The following NT5C1B variants were observed in gnomAD, a reference collection of about 807,000 sequenced individuals.
NT5C1B encodes cytosolic 5'-nucleotidase 1B.
A neutral mutation model predicts 57.8 loss-of-function variants in NT5C1B; 44 were observed. The observed-to-expected ratio is 0.76, with a 90% CI of 0.60 to 0.98. The LOEUF is 0.98. Ranked by LOEUF, NT5C1B falls within the 50% of genes least tolerant of loss-of-function variation. The pLI is 0.00. For missense variants in NT5C1B, 742 were observed against 719.5 expected (o/e 1.03, Z -0.36); for synonymous variants, 284 against 282.6 (o/e 1.00, Z -0.05).
chr2:18,584,525 G>T lies in NT5C1B; in HGVS notation c.712C>A (p.Arg238Ser), dbSNP rs1666497564. 4 of 1,609,974 alleles carry T rather than the reference G, an allele frequency of 2.5e-6. No individual in the cohort carries two copies. Among genetic ancestry groups the T allele is most frequent in the Admixed American group, 1.7e-5 (1 of 59,702 alleles). ...GCGGGCTGGCTCACCGGCCAGGGGCGCGAGCAGCTCGGGTTCTTCTCGTAG... is the reference window on the plus strand; with the variant it reads ...GCGGGCTGGCTCACCGGCCAGGGGCTCGAGCAGCTCGGGTTCTTCTCGTAG... The change falls in exon 4 of 9, where the codon CGC becomes AGC. Residue 238 changes from arginine to serine, a missense_variant. By Grantham distance (110) the Arg-to-Ser change is moderately radical. Coordinates refer to ENST00000304081, the Ensembl canonical transcript of NT5C1B. The surrounding 1 kb of genome is among the most constrained non-coding windows in gnomAD (Gnocchi z 5.8).
intron 7 of NT5C1B, 84 bp downstream of exon 7, chr2:18,576,689 C>T (rs896147642): frequency 6.3e-7 from 1 of 1,576,350 alleles, no homozygotes; most frequent in Admixed American, 1.9e-5. Context: ...GACCATAAGC[C>T]TCATAATCAT....
At chr2:18,588,480 G>C (rs1351032000) in intron 1 of NT5C1B, among the ~76,000 whole-genome samples, 7 of 152,200 alleles carry the variant, frequency 4.6e-5, no homozygotes, top group African/African-American at 1.7e-4. Context: ...AGTTGCATGA[G>C]AGAATGGCAT....
intron 8 of NT5C1B, among the ~76,000 whole-genome samples, chr2:18,572,016 G>A (rs1460589998): frequency 1.3e-5 from 2 of 148,670 alleles, no homozygotes; most frequent in Non-Finnish European, 3.0e-5. Context: ...AACCCGGGAG[G>A]CGAAGGTTGC....
chr2:18,586,723 A>G, intron 2 of NT5C1B: 1 of 599,530 alleles, frequency 1.7e-6, no homozygotes, highest in Admixed American at 3.1e-5. Context: ...TCCCTCGAGG[A>G]TAAGCCTGTT....
chr2:18,587,667 G>A, intron 1 of NT5C1B, 75 bp from the exon 2 acceptor site: 2 of 1,507,802 alleles, frequency 1.3e-6, no homozygotes, highest in Non-Finnish European at 1.8e-6. Context: ...CAGAATAAAA[G>A]GATAAAGAAA....
intron 8 of NT5C1B, among the ~76,000 whole-genome samples, chr2:18,565,593 A>T (rs1481338202): frequency 6.6e-6 from 1 of 152,120 alleles, no homozygotes; most frequent in Admixed American, 6.5e-5. Flanking sequence ...CATCACTTAC[A>T]TGAGTAGGCA....
chr2:18,577,587 A>G (rs1476952806), intron 6 of NT5C1B, among the ~76,000 whole-genome samples: 2 of 152,036 alleles, frequency 1.3e-5, no homozygotes, highest in Non-Finnish European at 2.9e-5. Context: ...ACATACCAGA[A>G]TCTCTGGGAC....
intron 3 of NT5C1B, 187 bp from the exon 4 acceptor site, chr2:18,585,165 C>CAGTCTCTGTGTCTGTTTA: frequency 1.2e-6 from 1 of 827,082 alleles, no homozygotes; most frequent in Non-Finnish European, 2.1e-6. Context: ...GTTAAACAGA[C>CAGTCTCTGTGTCTGTTTA]ACAGAGACTG....
chr2:18,578,977 G>A (rs1292912439), intron 6 of NT5C1B, among the ~76,000 whole-genome samples: 1 of 152,058 alleles, frequency 6.6e-6, no homozygotes, highest in East Asian at 1.9e-4. Context: ...AAAATCAGTA[G>A]CATTTCTATA....
At chr2:18,570,274 C>T (rs922259717) in intron 8 of NT5C1B, among the ~76,000 whole-genome samples, 4 of 151,996 alleles carry the variant, frequency 2.6e-5, no homozygotes, top group Non-Finnish European at 5.9e-5. Context: ...TTAACAGTCT[C>T]AGCTTCCACA....
intron 6 of NT5C1B, among the ~76,000 whole-genome samples, chr2:18,579,633 A>C (rs764836313): frequency 2.6e-5 from 4 of 152,174 alleles, no homozygotes; most frequent in Non-Finnish European, 5.9e-5. Context: ...AGATACAAAA[A>C]TTAACTCAAG....
intron 6 of NT5C1B, among the ~76,000 whole-genome samples, chr2:18,578,289 A>G (rs545378259): frequency 5.9e-5 from 9 of 152,256 alleles, no homozygotes; most frequent in African/African-American, 2.2e-4. Context: ...CATAACTCTG[A>G]TACCAAAACC....
In NT5C1B at chr2:18,584,597, C is replaced by G; in HGVS notation, c.640G>C (p.Asp214His). The G allele has an allele frequency of 6.2e-7, 1 of 1,612,664 alleles. No individual in the cohort carries two copies. The highest frequency in any genetic ancestry group is 8.5e-7 in the Non-Finnish European group (1 of 1,179,486). The change falls in exon 4 of 9, where the codon GAC becomes CAC. Residue 214 changes from aspartate (D) to histidine (H), a missense_variant. Transcript: ENST00000304081. The surrounding 1 kb of genome is among the most constrained non-coding windows in gnomAD (Gnocchi z 5.8). ...TAGGCAGCCTCGTAGTCGTCCTCGT[C>G]CTCCCGCTGCTGCTGCTGCTGCTCG... is the stretch of plus-strand genomic sequence containing the variant.
intron 8 of NT5C1B, among the ~76,000 whole-genome samples, chr2:18,568,282 A>C (rs1189015344): frequency 6.6e-6 from 1 of 152,234 alleles, no homozygotes; most frequent in Non-Finnish European, 1.5e-5. Flanking sequence ...GCATCTTTAA[A>C]GTGCTGGGAG....
intron 8 of NT5C1B, among the ~76,000 whole-genome samples, chr2:18,566,679 G>T (rs1376675904): frequency 6.6e-6 from 1 of 152,062 alleles, no homozygotes; most frequent in African/African-American, 2.4e-5. Context: ...CTTCTATATT[G>T]GGGTATGTTT....
intron 7 of NT5C1B, 29 bp from the exon 8 acceptor site, chr2:18,576,397 T>C: frequency 6.3e-7 from 1 of 1,586,154 alleles, no homozygotes; most frequent in South Asian, 1.1e-5. Flanking sequence ...TGATTAATAC[T>C]CTTCTCAGGT....
At chr2:18,587,162 T>C (rs1047630337) in intron 2 of NT5C1B, 14 of 1,612,922 alleles carry the variant, frequency 8.7e-6, no homozygotes, top group South Asian at 5.5e-5. Context: ...TCGGATTGAC[T>C]GCACGCCTCA....
At chr2:18,564,313 C>G (rs897259977) in intron 8 of NT5C1B, among the ~76,000 whole-genome samples, 194 bp from the exon 9 acceptor site, 1 of 152,132 alleles carries the variant, frequency 6.6e-6, no homozygotes, top group African/African-American at 2.4e-5. Flanking sequence ...ATAGAACCAT[C>G]CTTGCATTCC....
exon 9 of NT5C1B, chr2:18,563,907 C>A: frequency 6.2e-7 from 1 of 1,614,116 alleles, no homozygotes; most frequent in Non-Finnish European, 8.5e-7. Context: ...GGATCTTCAC[C>A]AAGATGGGAC....
Sources: allele counts gnomAD v4.1 joint callset (sites outside exome capture counted in the v4.1 genomes callset), GRCh38; gene constraint gnomAD v4.1.1; non-coding constraint Gnocchi (gnomAD v3.1); transcripts MANE v1.5; gene names NCBI Gene and HGNC (gene_info 2026-07-23, HGNC 2026-07-21).